Variants in NRG2 observed in about 807,000 individuals in gnomAD.
NRG2 encodes pro-neuregulin-2, membrane-bound isoform.
A neutral mutation model predicts 73.9 loss-of-function variants in NRG2; 27 were observed. That is an observed-to-expected ratio of 0.37 (90% CI 0.27 to 0.50). NRG2 has a LOEUF of 0.50. Ranked by LOEUF, NRG2 falls within the 20% of genes least tolerant of loss-of-function variation. The pLI is 0.96. For synonymous variants in NRG2, 532 were observed against 541.0 expected (o/e 0.98, Z 0.23); for missense variants, 1,126 against 1,210.1 (o/e 0.93, Z 1.03).
chr5:139,898,283 G>A (rs1311668870), intron 1 of NRG2, among the ~76,000 whole-genome samples: 8 of 152,266 alleles, frequency 5.3e-5, no homozygotes, highest in Admixed American at 5.2e-4. Flanking sequence ...AGGTACTCAT[G>A]GAACTGAGAG....
At chr5:139,884,751 C>T (rs978372411) in intron 2 of NRG2, among the ~76,000 whole-genome samples, 1 of 152,180 alleles carries the variant, frequency 6.6e-6, no homozygotes, top group Non-Finnish European at 1.5e-5. Context: ...GAGCCTCTAG[C>T]AGAGTGCCTG....
At chr5:139,980,261 G>A (rs1041931899) in intron 1 of NRG2, among the ~76,000 whole-genome samples, 1 of 152,084 alleles carries the variant, frequency 6.6e-6, no homozygotes, top group Non-Finnish European at 1.5e-5. Flanking sequence ...TGAAAACGGA[G>A]GGGCCCTGCT....
intron 5 of NRG2, among the ~76,000 whole-genome samples, chr5:139,864,385 CTT>C (rs954495131): frequency 1.6e-4 from 22 of 134,540 alleles, no homozygotes; most frequent in East Asian, 4.2e-4. Flanking sequence ...TCTTCTTCTT[CTT>C]TTTTTTTTTT....
chr5:140,031,530 C>T (rs1294323308), intron 1 of NRG2, among the ~76,000 whole-genome samples: 1 of 152,114 alleles, frequency 6.6e-6, no homozygotes, highest in Non-Finnish European at 1.5e-5. Context: ...CAACCAATAA[C>T]AATGCTAGAA....
At position 140,025,618 on chromosome 5, in the gene NRG2, T is replaced by C. The variant is rs1385383545; in HGVS notation, c.700+16752A>G. ...TCCACATATCAGAGATTTGGCTTTT[T>C]TTCTAAAGTAACTGTCTCAATTTAC... On this transcript the variant is annotated intron_variant, in intron 1 of 9. Coordinates refer to ENST00000361474, the MANE Select transcript of NRG2 (RefSeq NM_004883.3). Among the ~76,000 whole-genome samples the C allele has an allele frequency of 2.6e-5, 4 of 152,216 alleles. No individual in the cohort carries two copies. The East Asian group carries it at 5.8e-4, about 22-fold the overall frequency.
At chr5:140,006,934 C>T (rs931198064) in intron 1 of NRG2, among the ~76,000 whole-genome samples, 1 of 152,120 alleles carries the variant, frequency 6.6e-6, no homozygotes, top group Non-Finnish European at 1.5e-5. Context: ...AAATAAAGAC[C>T]ATGGTTCTCA....
intron 1 of NRG2, among the ~76,000 whole-genome samples, chr5:140,022,177 T>G (rs1441297784): frequency 1.3e-5 from 2 of 152,170 alleles, no homozygotes; most frequent in Admixed American, 1.3e-4. Context: ...CAAAACATGT[T>G]TGAGCTTTCT....
intron 1 of NRG2, among the ~76,000 whole-genome samples, chr5:139,893,656 G>A (rs1764361958): frequency 1.3e-5 from 2 of 152,116 alleles, no homozygotes; most frequent in Admixed American, 1.3e-4. Flanking sequence ...ACCCTCTGCT[G>A]AGCTCCCATA....
intron 2 of NRG2, among the ~76,000 whole-genome samples, chr5:139,881,793 A>C (rs186446146): frequency 6.6e-6 from 1 of 152,326 alleles, no homozygotes; most frequent in Non-Finnish European, 1.5e-5. Flanking sequence ...GCTAGCCCTG[A>C]AGCTTTGCAC....
intron 9 of NRG2, among the ~76,000 whole-genome samples, chr5:139,850,499 A>C (rs995760526): frequency 6.6e-6 from 1 of 152,178 alleles, no homozygotes; most frequent in African/African-American, 2.4e-5. Context: ...CTGGCAGGCC[A>C]CTTCTGGATT....
intron 1 of NRG2, among the ~76,000 whole-genome samples, chr5:139,928,913 C>T (rs1752263095): frequency 6.6e-6 from 1 of 152,194 alleles, no homozygotes; most frequent in African/African-American, 2.4e-5. Context: ...GTTCGTCTAA[C>T]ACATTTGCCT....
At chr5:139,886,393 G>GCTGGTGTGCT (rs1379648859) in intron 2 of NRG2, among the ~76,000 whole-genome samples, 3 of 152,160 alleles carry the variant, frequency 2.0e-5, no homozygotes, top group Non-Finnish European at 4.4e-5. Context: ...TTGTGGGCAG[G>GCTGGTGTGCT]CTGGTGTGCT....
At chr5:139,976,902 C>G (rs1474487612) in intron 1 of NRG2, among the ~76,000 whole-genome samples, 2 of 152,218 alleles carry the variant, frequency 1.3e-5, no homozygotes, top group Admixed American at 1.3e-4. Context: ...AGTTAAAGTG[C>G]TGACATTGCT....
chr5:139,991,790 G>T (rs959869815), intron 1 of NRG2, among the ~76,000 whole-genome samples: 6 of 152,236 alleles, frequency 3.9e-5, no homozygotes, highest in African/African-American at 1.4e-4. Flanking sequence ...TTTTTTTCCA[G>T]TTCCAAGTAC....
At chr5:139,859,846 G>A in intron 5 of NRG2, 3 of 1,605,368 alleles carry the variant, frequency 1.9e-6, no homozygotes, top group Middle Eastern at 3.3e-4. Flanking sequence ...CTGTGGAGAG[G>A]GGCCACGCAG....
intron 4 of NRG2, 57 bp downstream of exon 4, chr5:139,871,664 G>T: frequency 6.2e-7 from 1 of 1,603,800 alleles, no homozygotes; most frequent in South Asian, 1.1e-5. Context: ...CTCCACTTCT[G>T]ACCCAGCATC....
Position 139,848,520 on chromosome 5 carries a change from G to C in NRG2, c.1950C>G (p.His650Gln), listed in dbSNP as rs1761182571. Residue 650 changes from histidine (H) to glutamine (Q), a missense_variant, in exon 10 of 10, where the codon CAC becomes CAG. Physicochemically the swap from His to Gln is conservative, Grantham distance 24 (BLOSUM62 0). Around this residue, in one of 3 missense-constraint regions of NRG2, gnomAD observed 402 missense variants for 357.8 expected, o/e 1.12. Coordinates refer to ENST00000361474, the MANE Select transcript of NRG2 (RefSeq NM_004883.3). ...CGGGTCCCGGGCCGGGGGGCGCCGGGTGCCGCAGTAACGGCTGCTGCTCGG... is the reference window on the plus strand; with the variant it reads ...CGGGTCCCGGGCCGGGGGGCGCCGGCTGCCGCAGTAACGGCTGCTGCTCGG... ...RLAEQQPLLR[H>Q]PAPPGPGPGP... The C allele has an allele frequency of 1.4e-6, 2 of 1,414,360 alleles. No homozygotes were observed. Among genetic ancestry groups the C allele is most frequent in the Non-Finnish European group, 1.8e-6 (2 of 1,095,096 alleles). The allele number at this position is 1,414,360 out of a possible 1,614,324, so 87.6% of individuals were successfully genotyped here.
At chr5:139,995,408 G>A (rs766435100) in intron 1 of NRG2, among the ~76,000 whole-genome samples, 7 of 152,144 alleles carry the variant, frequency 4.6e-5, no homozygotes, top group African/African-American at 1.2e-4. Context: ...TATGAAGAAA[G>A]TGGATTTAAA....
intron 1 of NRG2, among the ~76,000 whole-genome samples, chr5:140,004,466 G>C (rs1283378515): frequency 6.6e-6 from 1 of 152,216 alleles, no homozygotes; most frequent in African/African-American, 2.4e-5. Context: ...CTTTACAGTG[G>C]AGAAATTCAG....
Sources: gnomAD v4.1 joint callset for allele counts (sites outside exome capture counted in the v4.1 genomes callset) on GRCh38, gnomAD v4.1.1 for gene constraint, gnomAD v4.1.1 regional missense constraint, MANE v1.5 for transcripts, NCBI Gene and HGNC (gene_info 2026-07-23, HGNC 2026-07-21) for gene names.